Variants in ATF6 observed in about 807,000 individuals in gnomAD.
ATF6 encodes cyclic AMP-dependent transcription factor ATF-6 alpha.
ATF6 carries 53 observed loss-of-function variants against 83.6 expected under a neutral mutation model. That is an observed-to-expected ratio of 0.63 (90% confidence interval 0.51 to 0.80). ATF6 has a LOEUF of 0.80. Ranked by LOEUF, ATF6 falls within the 30% of genes least tolerant of loss-of-function variation. ATF6 has a pLI of 0.00. For synonymous variants in ATF6, 288 were observed against 285.8 expected (o/e 1.01, Z -0.08); for missense variants, 744 against 797.9 (o/e 0.93, Z 0.81).
chr1:161,834,015 G>T (rs1686144253), intron 9 of ATF6, among the ~76,000 whole-genome samples: 1 of 152,156 alleles, frequency 6.6e-6, no homozygotes, highest in African/African-American at 2.4e-5. Context: ...AGAAAGGTTG[G>T]GTTACCCACA....
intron 7 of ATF6, among the ~76,000 whole-genome samples, chr1:161,819,179 A>G (rs143084296): frequency 2.0e-5 from 3 of 152,328 alleles, no homozygotes; most frequent in African/African-American, 7.2e-5. Context: ...TTTTTAAACA[A>G]TCTAGTTAGA....
intron 9 of ATF6, among the ~76,000 whole-genome samples, chr1:161,841,721 G>T (rs975741757): frequency 6.6e-6 from 1 of 152,248 alleles, no homozygotes; most frequent in South Asian, 2.1e-4. Flanking sequence ...CTCAAAAAAG[G>T]CTAAAAGTTA....
intron 12 of ATF6, 146 bp from the exon 13 acceptor site, chr1:161,860,061 G>A: frequency 2.2e-6 from 1 of 444,902 alleles, no homozygotes; most frequent in East Asian, 3.5e-5. Context: ...TCTAATATCT[G>A]TCAGTGTTTA....
At chr1:161,807,914 C>G (rs962164696) in intron 7 of ATF6, among the ~76,000 whole-genome samples, 2 of 86,722 alleles carry the variant, frequency 2.3e-5, no homozygotes, top group African/African-American at 9.9e-5. Context: ...AAGTCTTGCT[C>G]TGTTGCCCAG....
chr1:161,862,824 G>C (rs183088291), intron 13 of ATF6, among the ~76,000 whole-genome samples: 101 of 152,048 alleles, frequency 6.6e-4, no homozygotes, highest in African/African-American at 2.4e-3. Context: ...TCGACAGGGT[G>C]GTGAAAAATG....
intron 4 of ATF6, 96 bp downstream of exon 4, chr1:161,784,192 A>ATGAGTTATATTGTCTCAT: frequency 1.2e-6 from 1 of 828,876 alleles, no homozygotes; most frequent in Non-Finnish European, 2.0e-6. Context: ...GAATACTACT[A>ATGAGTTATATTGTCTCAT]TGAGTTATAT....
intron 14 of ATF6, among the ~76,000 whole-genome samples, chr1:161,897,994 G>A (rs114627082): frequency 0.015 from 2,235 of 152,266 alleles, 22 homozygotes; most frequent in Non-Finnish European, 0.022. Context: ...TTGGAGTTGA[G>A]CCTAAACCTG....
chr1:161,768,459 T>C (rs1383656746), intron 1 of ATF6, among the ~76,000 whole-genome samples: 1 of 152,250 alleles, frequency 6.6e-6, no homozygotes, highest in Admixed American at 6.5e-5. Flanking sequence ...GGATAGATTT[T>C]GTTGGCAATA....
At chr1:161,947,489 T>A (rs1688772349) in intron 15 of ATF6, among the ~76,000 whole-genome samples, 1 of 152,162 alleles carries the variant, frequency 6.6e-6, no homozygotes, top group Non-Finnish European at 1.5e-5. Flanking sequence ...GCAGGGGGCT[T>A]ATGGAGATCT....
intron 14 of ATF6, among the ~76,000 whole-genome samples, chr1:161,868,233 C>T (rs1343560233): frequency 1.3e-5 from 2 of 152,142 alleles, no homozygotes; most frequent in Admixed American, 6.5e-5. Context: ...TGGTCACCAT[C>T]TCTTACGCAG....
intron 12 of ATF6, 27 bp downstream of exon 12, chr1:161,853,350 T>C (rs767249782): frequency 1.9e-6 from 3 of 1,564,430 alleles, no homozygotes; most frequent in Non-Finnish European, 1.8e-6. Context: ...CTTTGAACAA[T>C]AGTTGGCGTA....
chr1:161,841,836 C>T (rs1686365073), intron 9 of ATF6, among the ~76,000 whole-genome samples: 1 of 152,168 alleles, frequency 6.6e-6, no homozygotes, highest in African/African-American at 2.4e-5. Context: ...AACCAATCAA[C>T]ATTAAAACTG....
At chr1:161,835,596 C>T (rs549391724) in intron 9 of ATF6, among the ~76,000 whole-genome samples, 52 of 152,268 alleles carry the variant, frequency 3.4e-4, no homozygotes, top group African/African-American at 1.2e-3. Context: ...TGTAAAAGCA[C>T]TTATTCATTA....
At chr1:161,898,561 T>G (rs1037007948) in intron 14 of ATF6, among the ~76,000 whole-genome samples, 3 of 152,008 alleles carry the variant, frequency 2.0e-5, no homozygotes, top group African/African-American at 7.2e-5. Context: ...TTTTGTTTTT[T>G]TTTTGAGACA....
At chr1:161,858,926 A>T (rs926609989) in intron 12 of ATF6, among the ~76,000 whole-genome samples, 1 of 152,168 alleles carries the variant, frequency 6.6e-6, no homozygotes, top group African/African-American at 2.4e-5. Flanking sequence ...GCTTCTTTCA[A>T]ACTTCTTTGC....
chr1:161,902,740 A>T (rs1262732419), intron 14 of ATF6, among the ~76,000 whole-genome samples: 1 of 152,220 alleles, frequency 6.6e-6, no homozygotes, highest in Non-Finnish European at 1.5e-5. Flanking sequence ...AACAAAACAG[A>T]TGAAAATGTC....
intron 7 of ATF6, among the ~76,000 whole-genome samples, chr1:161,817,622 G>A (rs549010695): frequency 6.6e-6 from 1 of 152,164 alleles, no homozygotes; most frequent in Admixed American, 6.5e-5. Context: ...ACAAAAATCA[G>A]CCTTTTTGTA....
At chr1:161,801,475 T>G (rs1197659951) in intron 6 of ATF6, among the ~76,000 whole-genome samples, 1 of 151,432 alleles carries the variant, frequency 6.6e-6, no homozygotes, top group East Asian at 1.9e-4. Flanking sequence ...AATTTTTTTT[T>G]GTAGAGACAG....
chr1:161,789,252 CTT>C (rs71755584), intron 4 of ATF6, among the ~76,000 whole-genome samples: 85 of 101,352 alleles, frequency 8.4e-4, no homozygotes, highest in East Asian at 3.9e-3. Context: ...ATTCCTTCTC[CTT>C]TTTTTTTTTT....
Sources: gnomAD v4.1 joint callset for allele counts (sites outside exome capture counted in the v4.1 genomes callset) on GRCh38, gnomAD v4.1.1 for gene constraint, MANE v1.5 for transcripts, NCBI Gene and HGNC (gene_info 2026-07-23, HGNC 2026-07-21) for gene names.